CSMD1: variants seen among roughly 807,000 people sequenced by gnomAD.
CSMD1 encodes CUB and Sushi multiple domains 1.
In CSMD1, 213 loss-of-function variants were observed where a neutral mutation model predicts 417.5. The observed-to-expected ratio is 0.51, with a 90% CI of 0.46 to 0.57. CSMD1 has a LOEUF of 0.57. Ranked by LOEUF, CSMD1 falls within the 20% of genes least tolerant of loss-of-function variation. CSMD1 has a pLI of 0.00. For synonymous variants in CSMD1, 2,862 were observed against 1,736.8 expected (o/e 1.65, Z -16.11); for missense variants, 6,923 against 4,529.7 (o/e 1.53, Z -15.17).
rs377413535 is a variant in CSMD1 at position 3,767,962 on chromosome 8, G to A, written c.819-13920C>T. Among the ~76,000 whole-genome samples, 10 of 152,074 alleles carry A rather than the reference G, an allele frequency of 6.6e-5. No individual in the cohort carries two copies. In the East Asian group the frequency reaches 1.7e-3, roughly 26 times the overall value. ...AATGATGTGAACATTACACGTCATGGGATGCTGAACTTTTAAATATTTCAT... is the reference window on the plus strand; with the variant it reads ...AATGATGTGAACATTACACGTCATGAGATGCTGAACTTTTAAATATTTCAT... On this transcript the variant is annotated intron_variant, in intron 5 of 69. Transcript: ENST00000635120.
chr8:4,518,529 C>T (rs145130681), intron 2 of CSMD1, among the ~76,000 whole-genome samples: 3,820 of 151,010 alleles, frequency 0.025, 184 homozygotes, highest in African/African-American at 0.088. Context: ...AAAAACCAAA[C>T]ACCGCGTGCT....
chr8:3,731,705 C>G (rs1280425104), intron 6 of CSMD1, among the ~76,000 whole-genome samples: 1 of 152,134 alleles, frequency 6.6e-6, no homozygotes, highest in Non-Finnish European at 1.5e-5. Flanking sequence ...ATAAATGGGT[C>G]AGAGGCTTAG....
At chr8:4,433,798 T>C (rs1489737628) in intron 2 of CSMD1, among the ~76,000 whole-genome samples, 1 of 152,060 alleles carries the variant, frequency 6.6e-6, no homozygotes, top group Admixed American at 6.6e-5. Flanking sequence ...TATTTACCTC[T>C]GTCCTTTGCA....
intron 3 of CSMD1, among the ~76,000 whole-genome samples, chr8:4,066,065 T>C (rs2114246): frequency 0.84 from 127,328 of 152,218 alleles, 53,307 homozygotes; most frequent in Admixed American, 0.88. Context: ...AAGCCTGGAA[T>C]AGGTGGCTCA....
intron 20 of CSMD1, among the ~76,000 whole-genome samples, chr8:3,364,511 G>C (rs1197013475): frequency 3.3e-5 from 5 of 152,192 alleles, no homozygotes; most frequent in Admixed American, 3.3e-4. Flanking sequence ...TATAATGACA[G>C]TGTCAGCTGT....
chr8:3,588,939 T>C, intron 8 of CSMD1, among the ~76,000 whole-genome samples: 1 of 152,182 alleles, frequency 6.6e-6, no homozygotes, highest in East Asian at 1.9e-4. Context: ...GACATTTCTT[T>C]AAAGAAGACA....
intron 42 of CSMD1, chr8:3,112,943 G>C (rs1253864760): frequency 6.6e-6 from 1 of 152,162 alleles, no homozygotes; most frequent in African/African-American, 2.4e-5. Flanking sequence ...ATTTCCCCTG[G>C]CCTGATCTTT....
intron 27 of CSMD1, among the ~76,000 whole-genome samples, chr8:3,228,315 C>CTAAT (rs1798635696): frequency 1.3e-5 from 2 of 152,314 alleles, no homozygotes; most frequent in South Asian, 4.1e-4. Context: ...AACTCATGCC[C>CTAAT]TAATGGGCAA....
At chr8:3,381,678 GTTTA>G (rs571872173) in intron 18 of CSMD1, among the ~76,000 whole-genome samples, 120 of 152,210 alleles carry the variant, frequency 7.9e-4, no homozygotes, top group Non-Finnish European at 1.2e-3. Context: ...GACACATGTA[GTTTA>G]TTTATTTTTC....
chr8:3,462,620 A>G (rs113393581), intron 12 of CSMD1, among the ~76,000 whole-genome samples: 1 of 152,078 alleles, frequency 6.6e-6, no homozygotes, highest in African/African-American at 2.4e-5. Context: ...GCTCCCAATG[A>G]TTCTACATTA....
At chr8:3,784,539 G>T (rs77982878) in intron 5 of CSMD1, among the ~76,000 whole-genome samples, 1 of 152,022 alleles carries the variant, frequency 6.6e-6, no homozygotes, top group Non-Finnish European at 1.5e-5. Flanking sequence ...ACACCAACTG[G>T]TCCCTCATGG....
At chr8:4,609,385 G>T (rs920594173) in intron 2 of CSMD1, among the ~76,000 whole-genome samples, 1 of 152,014 alleles carries the variant, frequency 6.6e-6, no homozygotes, top group African/African-American at 2.4e-5. Context: ...TGGGTGACAG[G>T]GTGAGACCCT....
At chr8:4,510,960 G>C (rs956812622) in intron 2 of CSMD1, among the ~76,000 whole-genome samples, 1 of 145,250 alleles carries the variant, frequency 6.9e-6, no homozygotes, top group Non-Finnish European at 1.5e-5. Context: ...CATTTTATTA[G>C]TTAAGAGAAT....
intron 1 of CSMD1, among the ~76,000 whole-genome samples, chr8:4,718,003 G>T (rs1310554807): frequency 6.6e-6 from 1 of 151,952 alleles, no homozygotes; most frequent in Admixed American, 6.6e-5. Flanking sequence ...TTTGAGACTG[G>T]GTCTTGCTCT....
At chr8:4,169,524 G>C (rs914053609) in intron 3 of CSMD1, among the ~76,000 whole-genome samples, 1 of 152,106 alleles carries the variant, frequency 6.6e-6, no homozygotes, top group Admixed American at 6.6e-5. Flanking sequence ...CTCTCCTCCA[G>C]ATGAAATGGC....
At chr8:3,611,921 T>G (rs776149645) in intron 8 of CSMD1, among the ~76,000 whole-genome samples, 1 of 152,122 alleles carries the variant, frequency 6.6e-6, no homozygotes, top group African/African-American at 2.4e-5. Context: ...CATATCCAAA[T>G]TGCATCTAAA....
chr8:4,739,089 C>T (rs1466163461), intron 1 of CSMD1, among the ~76,000 whole-genome samples: 1 of 151,882 alleles, frequency 6.6e-6, no homozygotes, highest in Admixed American at 6.6e-5. Flanking sequence ...CACACACATA[C>T]ATGTGAACAT....
At chr8:4,880,200 G>C (rs1018244713) in intron 1 of CSMD1, among the ~76,000 whole-genome samples, 3 of 152,034 alleles carry the variant, frequency 2.0e-5, no homozygotes, top group African/African-American at 7.3e-5. Context: ...AGAGTTAAGG[G>C]AAGAACACAC....
At chr8:4,154,418 C>T (rs62501111) in intron 3 of CSMD1, among the ~76,000 whole-genome samples, 7,856 of 152,210 alleles carry the variant, frequency 0.052, 282 homozygotes, top group Non-Finnish European at 0.077. Flanking sequence ...AGGCATTTAG[C>T]AGATGCCACT....
Sources: gnomAD v4.1 joint callset for allele counts (sites outside exome capture counted in the v4.1 genomes callset) on GRCh38, gnomAD v4.1.1 for gene constraint, MANE v1.5 for transcripts, NCBI Gene and HGNC (gene_info 2026-07-23, HGNC 2026-07-21) for gene names.